The following WDR36 variants were observed in gnomAD, a reference collection of about 807,000 sequenced individuals.
WDR36 encodes WD repeat domain 36, also known as WD repeat-containing protein 36.
Under a neutral mutation model 112.7 loss-of-function variants are expected in WDR36, and 63 were observed. The observed-to-expected ratio is 0.56, with a 90% confidence interval of 0.46 to 0.69. The LOEUF is 0.69. Among genes scored for constraint, WDR36 ranks in the 30% least tolerant of loss-of-function variants. The pLI is 0.00. For missense variants in WDR36, 1,226 were observed against 1,070.3 expected (o/e 1.15, Z -2.03); for synonymous variants, 410 against 362.2 (o/e 1.13, Z -1.50).
chr5:111,114,237 T>A (rs573998763), intron 16 of WDR36, among the ~76,000 whole-genome samples: 7 of 152,258 alleles, frequency 4.6e-5, no homozygotes, highest in African/African-American at 1.7e-4. Context: ...TAGATGAGTA[T>A]GAAGAAAGGA....
intron 8 of WDR36, 89 bp downstream of exon 8, chr5:111,104,441 C>A: frequency 6.5e-7 from 1 of 1,549,136 alleles, no homozygotes; most frequent in Non-Finnish European, 8.9e-7. Flanking sequence ...AGCTTTCAAC[C>A]TAGAAGATGA....
At chr5:111,122,273 A>G (rs1449784042) in intron 19 of WDR36, among the ~76,000 whole-genome samples, 1 of 152,194 alleles carries the variant, frequency 6.6e-6, no homozygotes, top group Non-Finnish European at 1.5e-5. Flanking sequence ...ATAATGCTTA[A>G]CTAATTGAGC....
At position 111,123,868 on chromosome 5, in the gene WDR36, A is replaced by G. The variant is rs756229679; in HGVS notation, c.2212A>G (p.Ile738Val). 6.2e-6 allele frequency: 10 copies of G among 1,613,820 alleles called. No homozygotes were observed. Among genetic ancestry groups the G allele is most frequent in the African/African-American group, 2.7e-5 (2 of 74,934 alleles). ...PKSAPFFIPT[I>V]PGLVPRYAAP... ...ATCAGCACCATTTTTCATTCCAACA[A>G]TTCCTGGCCTTGTACCCAGATATGC... The change falls in exon 20 of 23, where the codon ATT becomes GTT. Residue 738 changes from isoleucine to valine, a missense_variant. Physicochemically the swap from Ile to Val is conservative, Grantham distance 29. Transcript: ENST00000513710.
chr5:111,104,076 T>C lies in WDR36; in HGVS notation c.731-101T>C, dbSNP rs1031904791. ...TATGAATAGATTATTGGTATATAGT[T>C]TTTTTCTAACTTTATGGATTAAAAG... On this transcript the variant is annotated intron_variant, in intron 7 of 22. Coordinates refer to ENST00000513710, the MANE Select transcript of WDR36 (RefSeq NM_139281.3). The C allele has an allele frequency of 3.2e-5, 45 of 1,410,800 alleles. No individual in the cohort carries two copies. In the East Asian group the frequency reaches 9.9e-4, roughly 31 times the overall value. The allele number at this position is 1,410,800 out of a possible 1,614,324, so 87.4% of individuals were successfully genotyped here. A position where few individuals can be genotyped will look rare whatever the true frequency, so the allele number is the denominator to read the frequency against.
At chr5:111,110,382 T>C in intron 13 of WDR36, 79 bp downstream of exon 13, 4 of 1,212,202 alleles carry the variant, frequency 3.3e-6, no homozygotes, top group Non-Finnish European at 4.9e-6. Context: ...GTATAATCTT[T>C]AAGTGCTGGG....
chr5:111,104,107 A>G, intron 7 of WDR36, 70 bp from the exon 8 acceptor site: 1 of 1,465,464 alleles, frequency 6.8e-7, no homozygotes, highest in Non-Finnish European at 9.4e-7. Flanking sequence ...AAAAGGGAAG[A>G]GAGAAGAATT....
chr5:111,099,463 GTTTTTTTTTTTT>G (rs67437234), intron 4 of WDR36, among the ~76,000 whole-genome samples: 55 of 84,966 alleles, frequency 6.5e-4, no homozygotes, highest in African/African-American at 2.2e-3. Flanking sequence ...TTTTTTTTTT[GTTTTTTTTTTTT>G]TTTTTTTTTC....
chr5:111,124,184 A>G lies in WDR36; in HGVS notation c.2345A>G (p.Asn782Ser). ...AAACTTGAAGAAGGACTGGTAAATA[A>G]TAAGTGTAAGTTGAATTATAAGATA... Reference protein sequence around the residue: ...CLKLEEGLVNNKYDTALNLLK... With the variant: ...CLKLEEGLVNSKYDTALNLLK... The change falls in exon 21 of 23, where the codon AAT (asparagine) becomes AGT (serine). Residue 782 changes from asparagine (N) to serine (S), a missense_variant. Coordinates refer to ENST00000513710, the MANE Select transcript of WDR36 (RefSeq NM_139281.3). 6.2e-7 allele frequency: 1 copy of G among 1,610,452 alleles called. No individual in the cohort carries two copies. The highest frequency in any genetic ancestry group is 8.5e-7 in the Non-Finnish European group (1 of 1,177,834).
At chr5:111,100,065 T>C (rs1325682068) in intron 4 of WDR36, among the ~76,000 whole-genome samples, 1 of 151,982 alleles carries the variant, frequency 6.6e-6, no homozygotes, top group African/African-American at 2.4e-5. Context: ...ATACGTTTTT[T>C]TTTTCTCCTT....
At position 111,127,012 on chromosome 5, in the gene WDR36, C is replaced by T; in HGVS notation, c.*129C>T. On this transcript the variant is annotated 3_prime_UTR_variant, in exon 23 of 23. Transcript: ENST00000513710. ...CTACTGACTAGTCAGTATATCTCCA[C>T]TTTAAATGCTAAATACTTTCTTGAA... 1.2e-6 allele frequency: 1 copy of T among 850,840 alleles called. No homozygotes were observed. The highest frequency in any genetic ancestry group is 1.8e-6 in the Non-Finnish European group (1 of 568,816). 52.7% of individuals were successfully genotyped at this position (850,840 alleles called of 1,614,324 possible).
intron 16 of WDR36, among the ~76,000 whole-genome samples, chr5:111,117,436 T>G (rs1035236748): frequency 6.6e-5 from 10 of 152,212 alleles, no homozygotes; most frequent in African/African-American, 2.4e-4. Context: ...GTGTGTCCCA[T>G]GAATCACTGA....
At chr5:111,097,208 A>T in intron 3 of WDR36, 29 bp downstream of exon 3, 2 of 1,530,860 alleles carry the variant, frequency 1.3e-6, no homozygotes, top group Non-Finnish European at 1.8e-6. Flanking sequence ...CTTGTTTGTC[A>T]GTCAGTATTT....
chr5:111,093,278 C>G (rs1752906703), intron 1 of WDR36, among the ~76,000 whole-genome samples: 1 of 152,168 alleles, frequency 6.6e-6, no homozygotes, highest in Admixed American at 6.5e-5. Context: ...AATAGTGTCT[C>G]TTGTTTACTT....
At chr5:111,100,028 T>C (rs1379298) in intron 4 of WDR36, among the ~76,000 whole-genome samples, 80,637 of 151,594 alleles carry the variant, frequency 0.53, 22,163 homozygotes, top group South Asian at 0.68. Context: ...TGACCACTGG[T>C]GATGCCACCC....
At chr5:111,103,178 T>TTC (rs1457837538) in intron 6 of WDR36, among the ~76,000 whole-genome samples, 3 of 151,748 alleles carry the variant, frequency 2.0e-5, no homozygotes, top group African/African-American at 7.2e-5. Context: ...CCTGATTCCA[T>TTC]TCTATAATGA....
chr5:111,103,715 G>A (rs879354757), intron 6 of WDR36, 71 bp from the exon 7 acceptor site: 1 of 1,570,852 alleles, frequency 6.4e-7, no homozygotes. Flanking sequence ...ACCTAATAAT[G>A]ATGCGTATCA....
intron 12 of WDR36, among the ~76,000 whole-genome samples, chr5:111,109,009 C>CA (rs927686603): frequency 1.5e-4 from 23 of 151,268 alleles, no homozygotes; most frequent in Middle Eastern, 3.4e-3. Context: ...ATTTGTTACT[C>CA]AAAGATAACA....
At chr5:111,105,218 A>G (rs1240581813) in intron 9 of WDR36, 77 bp from the exon 10 acceptor site, 1 of 1,463,756 alleles carries the variant, frequency 6.8e-7, no homozygotes, top group Non-Finnish European at 9.5e-7. Context: ...TTCAAATTGA[A>G]TTTTATAAAA....
At chr5:111,115,159 A>G (rs1304424752) in intron 16 of WDR36, among the ~76,000 whole-genome samples, 1 of 152,244 alleles carries the variant, frequency 6.6e-6, no homozygotes, top group East Asian at 1.9e-4. Flanking sequence ...AAGTGACCAC[A>G]TCGAATTGTT....
Sources: allele counts gnomAD v4.1 joint callset (sites outside exome capture counted in the v4.1 genomes callset), GRCh38; gene constraint gnomAD v4.1.1; transcripts MANE v1.5; gene names NCBI Gene and HGNC (gene_info 2026-07-23, HGNC 2026-07-21).